Variants in BCKDHB observed in about 807,000 individuals in gnomAD.
BCKDHB encodes branched chain keto acid dehydrogenase E1 subunit beta, also known as 2-oxoisovalerate dehydrogenase subunit beta, mitochondrial.
BCKDHB carries 41 observed loss-of-function variants against 48.5 expected under a neutral mutation model. That is an observed-to-expected ratio of 0.85 (90% confidence interval 0.66 to 1.10). The LOEUF (loss-of-function observed/expected upper bound fraction) is 1.10. Among genes scored for constraint, BCKDHB ranks in the 50% least tolerant of loss-of-function variants. The pLI, the probability that BCKDHB is intolerant of heterozygous loss-of-function variation, is 0.00. For synonymous variants in BCKDHB, 201 were observed against 174.8 expected (o/e 1.15, Z -1.18); for missense variants, 496 against 494.2 (o/e 1.00, Z -0.03).
chr6:80,129,008 C>G (rs527535262), intron 2 of BCKDHB, among the ~76,000 whole-genome samples, 153 bp from the exon 3 acceptor site: 2 of 151,964 alleles, frequency 1.3e-5, no homozygotes, highest in African/African-American at 4.8e-5. Context: ...TCTAAAATGT[C>G]AATAATGTAG....
At chr6:80,289,787 A>G (rs1332472835) in intron 9 of BCKDHB, among the ~76,000 whole-genome samples, 1 of 152,108 alleles carries the variant, frequency 6.6e-6, no homozygotes, top group Non-Finnish European at 1.5e-5. Flanking sequence ...GTTGGACAGC[A>G]TGGAGCCCAA....
intron 9 of BCKDHB, among the ~76,000 whole-genome samples, chr6:80,312,512 A>AG (rs1768218131): frequency 6.6e-6 from 1 of 152,162 alleles, no homozygotes; most frequent in South Asian, 2.1e-4. Flanking sequence ...CTGGTTTTCA[A>AG]GGGGAAGGCT....
chr6:80,404,054 C>A, the BCKDHB span, among the ~76,000 whole-genome samples: 1,883 of 151,806 alleles, frequency 0.012, 13 homozygotes, highest in Middle Eastern at 0.027. Flanking sequence ...TTGTAATGTG[C>A]TTATCTGGGT....
chr6:80,368,572 G>A, the BCKDHB span, among the ~76,000 whole-genome samples: 39 of 152,238 alleles, frequency 2.6e-4, no homozygotes, highest in Non-Finnish European at 3.8e-4. Flanking sequence ...AACAGGAACC[G>A]TGATGATATT....
At chr6:80,376,274 C>T in the BCKDHB span, among the ~76,000 whole-genome samples, 11,443 of 151,986 alleles carry the variant, frequency 0.075, 489 homozygotes, top group South Asian at 0.15. Context: ...GCACAGGTTG[C>T]CAGGGAAGTG....
intron 5 of BCKDHB, among the ~76,000 whole-genome samples, chr6:80,170,220 T>C (rs1423228768): frequency 6.6e-6 from 1 of 152,204 alleles, no homozygotes; most frequent in African/African-American, 2.4e-5. Context: ...CAGAAAATAG[T>C]GACATTTTTG....
rs1010929449 is a variant in BCKDHB at position 80,169,043 on chromosome 6, A to G, written c.633+13A>G. ...CCCAGGAATCAAGGTATGTTCATTT[A>G]TGTACTTTATTTGATTTCTATTTGA... On this transcript the variant is annotated intron_variant, in intron 5 of 9. Coordinates refer to ENST00000320393, the MANE Select transcript of BCKDHB (RefSeq NM_183050.4). The G allele has an allele frequency of 1.2e-6, 2 of 1,612,206 alleles. No individual in the cohort carries two copies. Among genetic ancestry groups the G allele is most frequent in the East Asian group, 2.2e-5 (1 of 44,864 alleles).
At chr6:80,171,483 G>T in intron 6 of BCKDHB, 93 bp downstream of exon 6, 2 of 706,002 alleles carry the variant, frequency 2.8e-6, no homozygotes, top group South Asian at 2.2e-5. Context: ...CTATATGGTT[G>T]ATTTATATTT....
intron 9 of BCKDHB, among the ~76,000 whole-genome samples, chr6:80,306,850 CTCT>C (rs1431217085): frequency 2.0e-5 from 3 of 152,144 alleles, no homozygotes; most frequent in Non-Finnish European, 2.9e-5. Flanking sequence ...CTCCTGGAGG[CTCT>C]TCTTCTGGAG....
At chr6:80,455,381 A>C in the BCKDHB span, among the ~76,000 whole-genome samples, 1 of 151,710 alleles carries the variant, frequency 6.6e-6, no homozygotes, top group South Asian at 2.1e-4. Context: ...CCTGAATCTC[A>C]CACATGTCGC....
intron 9 of BCKDHB, among the ~76,000 whole-genome samples, chr6:80,308,554 G>GA (rs76971500): frequency 9.7e-4 from 145 of 148,838 alleles, no homozygotes; most frequent in East Asian, 7.2e-3. Flanking sequence ...ATTAAATGGG[G>GA]AAAAAAAACC....
intron 7 of BCKDHB, among the ~76,000 whole-genome samples, chr6:80,202,820 T>C (rs1301665776): frequency 6.6e-6 from 1 of 151,886 alleles, no homozygotes; most frequent in Non-Finnish European, 1.5e-5. Context: ...TCTACGTATT[T>C]GTATGACTTC....
At chr6:80,463,654 C>G in the BCKDHB span, among the ~76,000 whole-genome samples, 13,001 of 151,892 alleles carry the variant, frequency 0.086, 658 homozygotes, top group Non-Finnish European at 0.11. Context: ...TTTAAAGTTC[C>G]TATCCATAAC....
intron 8 of BCKDHB, among the ~76,000 whole-genome samples, chr6:80,206,261 T>C (rs925818821): frequency 6.6e-6 from 1 of 150,408 alleles, no homozygotes. Context: ...GAATTTTTTA[T>C]TGAATTATGT....
At chr6:80,377,925 A>G in the BCKDHB span, among the ~76,000 whole-genome samples, 1 of 152,172 alleles carries the variant, frequency 6.6e-6, no homozygotes. Flanking sequence ...TACTCCCATC[A>G]TTACAATGTT....
chr6:80,464,059 C>T, the BCKDHB span, among the ~76,000 whole-genome samples: 44 of 152,088 alleles, frequency 2.9e-4, no homozygotes, highest in Non-Finnish European at 1.2e-4. Context: ...ACTTTCTACC[C>T]GACCGAGTCT....
the BCKDHB span, among the ~76,000 whole-genome samples, chr6:80,461,020 T>G: frequency 6.6e-6 from 1 of 152,188 alleles, no homozygotes; most frequent in Non-Finnish European, 1.5e-5. Flanking sequence ...GTGATCTTGT[T>G]AGAATTAAAC....
At chr6:80,160,126 C>T (rs1047858496) in intron 3 of BCKDHB, among the ~76,000 whole-genome samples, 2 of 152,124 alleles carry the variant, frequency 1.3e-5, no homozygotes, top group African/African-American at 4.8e-5. Context: ...TTCCTTTAAC[C>T]TATCAGGAGG....
chr6:80,398,986 A>G, the BCKDHB span, among the ~76,000 whole-genome samples: 1 of 152,148 alleles, frequency 6.6e-6, no homozygotes, highest in Non-Finnish European at 1.5e-5. Context: ...TCATCACATA[A>G]ACAGAACTAG....
Sources: allele counts gnomAD v4.1 joint callset (sites outside exome capture counted in the v4.1 genomes callset), GRCh38; gene constraint gnomAD v4.1.1; transcripts MANE v1.5; gene names NCBI Gene and HGNC (gene_info 2026-07-23, HGNC 2026-07-21).